SMARCA4: variants seen among roughly 807,000 people sequenced by gnomAD.
SMARCA4 encodes SWI/SNF related BAF chromatin remodeling complex subunit ATPase 4, also known as SWI/SNF-related matrix-associated actin-dependent regulator of chromatin subfamily A member 4.
In SMARCA4, 31 loss-of-function variants were observed where a neutral mutation model predicts 193.9. That is an observed-to-expected ratio of 0.16 (90% confidence interval 0.12 to 0.22). The LOEUF is 0.22. SMARCA4 is among the 10% of genes least tolerant of loss of function. The pLI is 1.00. For missense variants in SMARCA4, 1,148 were observed against 2,296.0 expected, an observed-to-expected ratio of 0.50 and a Z score of 10.22; for synonymous variants, 942 against 933.1, an observed-to-expected ratio of 1.01 and a Z score of -0.17.
intron 8 of SMARCA4, among the ~76,000 whole-genome samples, chr19:10,992,407 G>A (rs753816073): frequency 6.0e-5 from 9 of 149,636 alleles, no homozygotes; most frequent in Non-Finnish European, 1.3e-4. Context: ...GTAATCCCCC[G>A]TGCCTGGCCA....
rs1164886479 is a variant in SMARCA4 at position 10,967,658 on chromosome 19, C to A, written c.-32+6484C>A. Among the ~76,000 whole-genome samples, 3 of 149,878 alleles carry A rather than the reference C, an allele frequency of 2.0e-5. No homozygotes were observed. In the South Asian group the frequency reaches 6.3e-4, roughly 31 times the overall value. Reference sequence around the variant, plus strand: ...TAGGTAAATGTTAGTAGGGTGGAAACCAACCCTGGCCCCTTTCAAATGTGT... The same window carrying A: ...TAGGTAAATGTTAGTAGGGTGGAAAACAACCCTGGCCCCTTTCAAATGTGT... On this transcript the variant is annotated intron_variant, in intron 1 of 34. Coordinates refer to ENST00000344626, the MANE Select transcript of SMARCA4 (RefSeq NM_003072.5).
In SMARCA4 at chr19:10,991,210, G is replaced by T. The variant is rs2086530559; in HGVS notation, c.1306G>T (p.Ala436Ser). The change falls in exon 8 of 35, where the codon GCT becomes TCT. Residue 436 changes from alanine (A) to serine (S), a missense_variant. Ala to Ser is a moderately conservative substitution (Grantham distance 99, BLOSUM62 1). Around this residue, in one of 17 missense-constraint regions of SMARCA4, gnomAD observed 69 missense variants for 186.9 expected, o/e 0.37. Coordinates refer to ENST00000344626, the MANE Select transcript of SMARCA4 (RefSeq NM_003072.5). ...RDTALETALN[A>S]KAYKRSKRQS... ...CACAGCGCTGGAGACAGCCCTCAAT[G>T]CTAAGGCCTACAAGCGCAGCAAGCG... 1 of 1,613,858 alleles carries T rather than the reference G, an allele frequency of 6.2e-7. No homozygotes were observed. The highest frequency in any genetic ancestry group is 1.3e-5 in the African/African-American group (1 of 74,954).
chr19:10,997,666 A>G (rs1449964124), intron 11 of SMARCA4, among the ~76,000 whole-genome samples: 2 of 151,904 alleles, frequency 1.3e-5, no homozygotes, highest in African/African-American at 4.8e-5. Context: ...CGGGGGTTCC[A>G]TATGTTTTTC....
intron 6 of SMARCA4, among the ~76,000 whole-genome samples, chr19:10,988,934 G>A (rs531978162): frequency 2.0e-5 from 3 of 152,310 alleles, no homozygotes; most frequent in Admixed American, 2.0e-4. Flanking sequence ...GGGTCACTCC[G>A]AGGGGTTGCC....
intron 30 of SMARCA4, chr19:11,047,936 T>G (rs1341630571): frequency 6.6e-6 from 1 of 152,184 alleles, no homozygotes; most frequent in Non-Finnish European, 1.5e-5. Flanking sequence ...CAGACCTCAT[T>G]TGGGGCGAAG....
At chr19:10,973,153 G>A (rs984539097) in intron 1 of SMARCA4, among the ~76,000 whole-genome samples, 8 of 152,036 alleles carry the variant, frequency 5.3e-5, no homozygotes, top group Non-Finnish European at 1.2e-4. Context: ...TCCACAGGGA[G>A]CGTGGGTCAG....
intron 19 of SMARCA4, among the ~76,000 whole-genome samples, chr19:11,022,419 A>G (rs891767129): frequency 6.6e-6 from 1 of 152,186 alleles, no homozygotes; most frequent in Non-Finnish European, 1.5e-5. Context: ...GTTTTCAAAA[A>G]GCTCAGTGGC....
chr19:10,962,289 A>G (rs182931521), intron 1 of SMARCA4, among the ~76,000 whole-genome samples: 86 of 152,178 alleles, frequency 5.7e-4, no homozygotes, highest in Middle Eastern at 3.4e-3. Flanking sequence ...GTCTGGTCCA[A>G]TCTCCCTCAT....
intron 14 of SMARCA4, among the ~76,000 whole-genome samples, chr19:11,009,803 C>T (rs1175548953): frequency 6.6e-6 from 1 of 152,072 alleles, no homozygotes; most frequent in Non-Finnish European, 1.5e-5. Context: ...ATTCTCCTGC[C>T]TCAGCCTCCC....
At chr19:10,961,644 G>C (rs1187880738) in intron 1 of SMARCA4, 1 of 152,198 alleles carries the variant, frequency 6.6e-6, no homozygotes, top group Non-Finnish European at 1.5e-5. Flanking sequence ...GTCCGGCGTC[G>C]GCCGGACACG....
intron 30 of SMARCA4, among the ~76,000 whole-genome samples, chr19:11,049,485 G>GT (rs56043428): frequency 0.021 from 3,031 of 142,832 alleles, 57 homozygotes; most frequent in Admixed American, 0.032. Context: ...TGGGTTCTGT[G>GT]TTTTTTTTTT....
At position 10,985,417 on chromosome 19, in the gene SMARCA4, C is replaced by T. The variant is rs367559956; in HGVS notation, c.355+12C>T. The T allele has an allele frequency of 2.2e-5, 35 of 1,613,324 alleles. No homozygotes were observed. Among genetic ancestry groups the T allele is most frequent in the African/African-American group, 8.0e-5 (6 of 74,924 alleles). Reference sequence around the variant, plus strand: ...CCAGCACTCCCAAGGTACAGAACTGCGTTCCTTCCTGCCTTGTGTTTGTCA... The same window carrying T: ...CCAGCACTCCCAAGGTACAGAACTGTGTTCCTTCCTGCCTTGTGTTTGTCA... On this transcript the variant is annotated intron_variant, in intron 3 of 34. Coordinates refer to ENST00000344626, the MANE Select transcript of SMARCA4 (RefSeq NM_003072.5). The surrounding 1 kb of genome is among the most constrained non-coding windows in gnomAD (Gnocchi z 4.5).
At chr19:10,977,304 G>A (rs1048885322) in intron 1 of SMARCA4, among the ~76,000 whole-genome samples, 2 of 151,974 alleles carry the variant, frequency 1.3e-5, no homozygotes, top group Non-Finnish European at 2.9e-5. Context: ...GCTGCGTTAC[G>A]GACTCGAGTT....
chr19:10,967,216 G>T (rs1378626853), intron 1 of SMARCA4, among the ~76,000 whole-genome samples: 1 of 152,124 alleles, frequency 6.6e-6, no homozygotes, highest in Non-Finnish European at 1.5e-5. Flanking sequence ...GGTGTAGCTG[G>T]GTTTGTTGTT....
intron 1 of SMARCA4, chr19:10,977,520 C>T (rs1783833781): frequency 6.6e-6 from 1 of 152,092 alleles, no homozygotes. Flanking sequence ...TACGGGGTTT[C>T]ACCAAGTCGG....
In SMARCA4 at chr19:11,033,301, G is replaced by A. The variant is rs140322802; in HGVS notation, c.3558G>A (p.Ala1186=). 446 of 1,612,792 alleles carry A rather than the reference G, an allele frequency of 2.8e-4. No homozygotes were observed. The highest frequency in any genetic ancestry group is 4.3e-4 in the South Asian group (39 of 91,082). Reference sequence around the variant, plus strand: ...ACCTCTTCCCCCAGGACCTGCAAGCGCAGGACCGAGCCCACCGCATCGGGC... The same window carrying A: ...ACCTCTTCCCCCAGGACCTGCAAGCACAGGACCGAGCCCACCGCATCGGGC... ...SDWNPHQDLQ[A]QDRAHRIGQQ... Residue 1186 remains alanine (A), a synonymous_variant, in exon 26 of 35, where the codon GCG becomes GCA. Transcript: ENST00000344626. The surrounding 1 kb of genome is among the most constrained non-coding windows in gnomAD (Gnocchi z 9.8).
Position 11,025,443 on chromosome 19 carries a change from C to T in SMARCA4, c.3103C>T (p.Leu1035=), listed in dbSNP as rs779514603. 1.9e-6 allele frequency: 3 copies of T among 1,613,410 alleles called. No homozygotes were observed. Among genetic ancestry groups the T allele is most frequent in the South Asian group, 1.1e-5 (1 of 91,082 alleles). ...DKKGKGGTKT[L]MNTIMQLRKI... Reference sequence around the variant, plus strand: ...CCAGGGCAAAGGCGGCACCAAGACCCTGATGAACACCATCATGCAGCTGCG... The same window carrying T: ...CCAGGGCAAAGGCGGCACCAAGACCTTGATGAACACCATCATGCAGCTGCG... Residue 1035 remains leucine (L), a synonymous_variant, in exon 22 of 35, where the codon CTG becomes TTG. Transcript: ENST00000344626.
At position 11,019,529 on chromosome 19, in the gene SMARCA4, C is replaced by G; in HGVS notation, c.2506-62C>G. The G allele has an allele frequency of 9.6e-7, 1 of 1,047,004 alleles. No homozygotes were observed. Among genetic ancestry groups the G allele is most frequent in the Non-Finnish European group, 1.5e-6 (1 of 685,828 alleles). 64.9% of individuals were successfully genotyped at this position (1,047,004 alleles called of 1,614,324 possible). On this transcript the variant is annotated intron_variant, in intron 17 of 34. Transcript: ENST00000344626. The surrounding 1 kb of genome is among the most constrained non-coding windows in gnomAD (Gnocchi z 6.1). ...GGGCAGTTGCAGGGGGTGCCTGTGC[C>G]CCTCTTGCCACCTGGCCACCCGGCT...
At position 10,965,823 on chromosome 19, in the gene SMARCA4, T is replaced by C. The variant is rs143389806; in HGVS notation, c.-32+4649T>C. Among the ~76,000 whole-genome samples the C allele has an allele frequency of 3.6e-3, 546 of 152,248 alleles. 4 individuals carry two copies. Among genetic ancestry groups the C allele is most frequent in the African/African-American group, 0.013 (534 of 41,554 alleles). ...TATGATCTTTAAAAAATTTTTCTAA[T>C]TAGACAATTCAAGGAGGAAGGTATA... On this transcript the variant is annotated intron_variant, in intron 1 of 34. Coordinates refer to ENST00000344626, the MANE Select transcript of SMARCA4 (RefSeq NM_003072.5).
Sources: gnomAD v4.1 joint callset for allele counts (sites outside exome capture counted in the v4.1 genomes callset) on GRCh38, gnomAD v4.1.1 for gene constraint, gnomAD v4.1.1 regional missense constraint, Gnocchi (gnomAD v3.1) non-coding constraint, MANE v1.5 for transcripts, NCBI Gene and HGNC (gene_info 2026-07-23, HGNC 2026-07-21) for gene names.